MAF: variants seen among roughly 807,000 people sequenced by gnomAD.
MAF encodes transcription factor Maf.
Under a neutral mutation model 22.0 loss-of-function variants are expected in MAF, and 10 were observed. That is an observed-to-expected ratio of 0.45 (90% CI 0.28 to 0.77). The LOEUF is 0.77. Among genes scored for constraint, MAF ranks in the 30% least tolerant of loss-of-function variants. MAF has a pLI of 0.12. For synonymous variants in MAF, 337 were observed against 255.8 expected (o/e 1.32, Z -3.03); for missense variants, 544 against 548.4 (o/e 0.99, Z 0.08).
At chr16:79,568,122 G>A in the MAF span, among the ~76,000 whole-genome samples, 60 of 152,348 alleles carry the variant, frequency 3.9e-4, no homozygotes, top group African/African-American at 1.4e-3. Flanking sequence ...GGGGAAGAGG[G>A]AGTCTGTTTC....
At chr16:79,502,716 T>TATATATATATATAAATATAA in the MAF span, among the ~76,000 whole-genome samples, 1 of 20,566 alleles carries the variant, frequency 4.9e-5, no homozygotes, top group African/African-American at 1.4e-4. Flanking sequence ...TAAATATATA[T>TATATATATATATAAATATAA]ATATATATAT....
the MAF span, among the ~76,000 whole-genome samples, chr16:79,252,720 C>A: frequency 6.6e-6 from 1 of 152,100 alleles, no homozygotes; most frequent in Non-Finnish European, 1.5e-5. Flanking sequence ...GAACTCCTGA[C>A]CTCAGGTGAT....
At chr16:79,587,345 T>C (rs903138383) in intron 1 of MAF, among the ~76,000 whole-genome samples, 1 of 152,106 alleles carries the variant, frequency 6.6e-6, no homozygotes, top group Non-Finnish European at 1.5e-5. Flanking sequence ...TGATAAAACC[T>C]GGAAGTGTAT....
At chr16:79,281,594 G>A in the MAF span, among the ~76,000 whole-genome samples, 2 of 148,520 alleles carry the variant, frequency 1.3e-5, no homozygotes, top group Non-Finnish European at 3.0e-5. Flanking sequence ...CTGTCGCCAG[G>A]CTGGAGTGCA....
At chr16:79,263,356 G>A in the MAF span, among the ~76,000 whole-genome samples, 2 of 152,162 alleles carry the variant, frequency 1.3e-5, no homozygotes, top group Non-Finnish European at 2.9e-5. Context: ...TATTAACATA[G>A]CACTTTGGAG....
At chr16:79,511,267 G>T in the MAF span, among the ~76,000 whole-genome samples, 1 of 151,864 alleles carries the variant, frequency 6.6e-6, no homozygotes, top group Admixed American at 6.5e-5. Flanking sequence ...AAAAGAAAAG[G>T]AAAGAAAAGA....
chr16:79,353,240 G>A, the MAF span, among the ~76,000 whole-genome samples: 2 of 151,836 alleles, frequency 1.3e-5, no homozygotes, highest in Non-Finnish European at 2.9e-5. Context: ...TCTTGCCTCA[G>A]CCTCCTGCCT....
the MAF span, among the ~76,000 whole-genome samples, chr16:79,208,061 C>G: frequency 6.6e-6 from 1 of 152,190 alleles, no homozygotes; most frequent in African/African-American, 2.4e-5. Flanking sequence ...TGCTGCAAAT[C>G]TGACAGATGA....
the MAF span, among the ~76,000 whole-genome samples, chr16:79,261,939 C>T: frequency 9.8e-5 from 15 of 152,318 alleles, no homozygotes; most frequent in South Asian, 2.9e-3. Flanking sequence ...GACTCCATCT[C>T]TTAAGTTGCT....
At chr16:79,548,478 G>A in the MAF span, among the ~76,000 whole-genome samples, 1 of 152,172 alleles carries the variant, frequency 6.6e-6, no homozygotes, top group Non-Finnish European at 1.5e-5. Flanking sequence ...ACATTGGTTA[G>A]TTGGTCTTCA....
At chr16:79,506,389 C>G in the MAF span, among the ~76,000 whole-genome samples, 1 of 152,114 alleles carries the variant, frequency 6.6e-6, no homozygotes, top group Non-Finnish European at 1.5e-5. Context: ...GAGAGTGGCT[C>G]AACCTCAGAG....
At chr16:79,218,288 C>T in the MAF span, among the ~76,000 whole-genome samples, 1 of 146,380 alleles carries the variant, frequency 6.8e-6, no homozygotes, top group Non-Finnish European at 1.5e-5. Context: ...ATTTTAATGG[C>T]TACCTCATAT....
the MAF span, among the ~76,000 whole-genome samples, chr16:79,433,509 T>G: frequency 6.6e-6 from 1 of 151,822 alleles, no homozygotes; most frequent in East Asian, 1.9e-4. Context: ...TACTAACCAC[T>G]TCCATAATGG....
the MAF span, among the ~76,000 whole-genome samples, chr16:79,238,383 G>A: frequency 6.6e-6 from 1 of 152,074 alleles, no homozygotes; most frequent in Non-Finnish European, 1.5e-5. Context: ...AAGAGCGGGG[G>A]CACTGTAGAG....
chr16:79,239,784 C>G, the MAF span, among the ~76,000 whole-genome samples: 1 of 152,050 alleles, frequency 6.6e-6, no homozygotes, highest in Non-Finnish European at 1.5e-5. Context: ...TGTAGCTGCT[C>G]TCAAAATATC....
the MAF span, among the ~76,000 whole-genome samples, chr16:79,308,529 T>C: frequency 3.3e-5 from 5 of 152,118 alleles, no homozygotes; most frequent in Non-Finnish European, 7.4e-5. Flanking sequence ...AAATGAGGTG[T>C]TGAAATGCTA....
chr16:79,597,380 C>T (rs1420371829), intron 1 of MAF: 1 of 1,035,942 alleles, frequency 9.7e-7, no homozygotes, highest in African/African-American at 1.7e-5. Flanking sequence ...AAAAATAAAA[C>T]AAACCAAAAA....
the MAF span, among the ~76,000 whole-genome samples, chr16:79,331,882 A>C: frequency 6.6e-6 from 1 of 152,100 alleles, no homozygotes; most frequent in Non-Finnish European, 1.5e-5. Context: ...CATGTCCTCA[A>C]CAAAGAGGCC....
chr16:79,280,001 C>T, the MAF span, among the ~76,000 whole-genome samples: 1 of 152,188 alleles, frequency 6.6e-6, no homozygotes, highest in Non-Finnish European at 1.5e-5. Flanking sequence ...AGCATGGTTT[C>T]TGCTGCCCCT....
Sources: gnomAD v4.1 joint callset for allele counts (sites outside exome capture counted in the v4.1 genomes callset) on GRCh38, gnomAD v4.1.1 for gene constraint, MANE v1.5 for transcripts, NCBI Gene and HGNC (gene_info 2026-07-23, HGNC 2026-07-21) for gene names.